Variants in TAB2 observed in about 807,000 individuals in gnomAD.
The protein encoded by TAB2 is TGF-beta activated kinase 1 (MAP3K7) binding protein 2.
In TAB2, 3 loss-of-function variants were observed where a neutral mutation model predicts 65.0. That is an observed-to-expected ratio of 0.05 (90% CI 0.02 to 0.12). The LOEUF (loss-of-function observed/expected upper bound fraction) is 0.12. Among genes scored for constraint, TAB2 ranks in the 10% least tolerant of loss-of-function variants. The pLI is 1.00. For missense variants in TAB2, 623 were observed against 840.3 expected, an observed-to-expected ratio of 0.74 and a Z score of 3.20; for synonymous variants, 298 against 285.1, an observed-to-expected ratio of 1.05 and a Z score of -0.46.
rs150550359 is a variant in TAB2 at position 149,242,471 on chromosome 6, T to A, written c.-121+23695T>A. Among the ~76,000 whole-genome samples the A allele has an allele frequency of 1.3e-3, 193 of 152,278 alleles. 1 individual carries two copies. Among genetic ancestry groups the A allele is most frequent in the African/African-American group, 4.3e-3 (180 of 41,548 alleles). On this transcript the variant is annotated intron_variant, in intron 1 of 1. Transcript: ENST00000606202. ...AGGTGTTATTATAGAGTTCCTAAAG[T>A]TGCCTGTGAGTAGAACAGGAAATAA... is the stretch of plus-strand genomic sequence containing the variant.
chr6:149,254,702 C>T (rs55637841), intron 1 of TAB2, among the ~76,000 whole-genome samples: 8 of 152,068 alleles, frequency 5.3e-5, no homozygotes, highest in East Asian at 1.9e-4. Context: ...TTAAACTGGA[C>T]GAGAAAGAGA....
At chr6:149,345,453 A>G (rs1780263089) in intron 1 of TAB2, among the ~76,000 whole-genome samples, 1 of 152,154 alleles carries the variant, frequency 6.6e-6, no homozygotes, top group Admixed American at 6.5e-5. Flanking sequence ...AGGTACCTTC[A>G]AATAACTCAT....
chr6:149,233,256 A>C (rs1039705733), intron 1 of TAB2, among the ~76,000 whole-genome samples: 5 of 152,154 alleles, frequency 3.3e-5, no homozygotes, highest in African/African-American at 1.2e-4. Context: ...AGTGACCAAG[A>C]ATCTGTCATC....
At chr6:149,232,259 G>A (rs1249736708) in intron 1 of TAB2, among the ~76,000 whole-genome samples, 2 of 151,810 alleles carry the variant, frequency 1.3e-5, no homozygotes, top group South Asian at 2.1e-4. Flanking sequence ...ACGGACTCTC[G>A]CTCTGTCGCC....
chr6:149,279,011 T>A (rs1226779984), intron 1 of TAB2, among the ~76,000 whole-genome samples: 3 of 152,214 alleles, frequency 2.0e-5, no homozygotes, highest in African/African-American at 4.8e-5. Flanking sequence ...GTGAACCTCA[T>A]TCATTCCATT....
Position 149,233,204 on chromosome 6 carries a change from C to G in TAB2, c.-121+14428C>G, listed in dbSNP as rs180891439. On this transcript the variant is annotated intron_variant, in intron 1 of 1. Coordinates refer to the TAB2 transcript ENST00000606202. ...TAACTACCTGGCGGGGGGTGAGAAA[C>G]AAGGGCTTTCCAGCACAAGTCACAA... is the stretch of plus-strand genomic sequence containing the variant. Among the ~76,000 whole-genome samples, 5 of 152,220 alleles carry G rather than the reference C, an allele frequency of 3.3e-5. No individual in the cohort carries two copies. The East Asian group carries it at 9.6e-4, about 29-fold the overall frequency.
At chr6:149,235,243 C>G (rs1040000820) in intron 1 of TAB2, among the ~76,000 whole-genome samples, 2 of 152,170 alleles carry the variant, frequency 1.3e-5, no homozygotes, top group Non-Finnish European at 2.9e-5. Flanking sequence ...GTTTCAATCC[C>G]GGATGACACA....
At chr6:149,305,517 G>A (rs541191348) in intron 1 of TAB2, among the ~76,000 whole-genome samples, 10 of 151,962 alleles carry the variant, frequency 6.6e-5, no homozygotes, top group African/African-American at 2.2e-4. Flanking sequence ...CAAATGTCCT[G>A]CCTGTTCTTT....
At chr6:149,322,446 A>G (rs1237615832) in intron 1 of TAB2, among the ~76,000 whole-genome samples, 2 of 152,132 alleles carry the variant, frequency 1.3e-5, no homozygotes, top group Non-Finnish European at 2.9e-5. Flanking sequence ...TTATACTTCA[A>G]AGTTACAGAG....
intron 1 of TAB2, among the ~76,000 whole-genome samples, chr6:149,269,455 G>A (rs974359968): frequency 1.3e-5 from 2 of 152,016 alleles, no homozygotes; most frequent in African/African-American, 4.8e-5. Flanking sequence ...GAAGATTAAA[G>A]TAGATTTTTA....
rs1779303442 is a variant in TAB2 at position 149,317,893 on chromosome 6, A to G, written c.-212A>G. ...TGTCCCCCCTGCCGGGTGGAACCGG[A>G]GGCGGCGGCGGCGCTGGCGGCGGCC... On this transcript the variant is annotated 5_prime_UTR_variant, in exon 1 of 7. Coordinates refer to ENST00000637181, the MANE Select transcript of TAB2 (RefSeq NM_001292034.3). The surrounding 1 kb of genome is among the most constrained non-coding windows in gnomAD (Gnocchi z 4.7). The G allele has an allele frequency of 6.0e-6, 1 of 166,054 alleles. No individual in the cohort carries two copies. Among genetic ancestry groups the G allele is most frequent in the Non-Finnish European group, 1.3e-5 (1 of 79,666 alleles). 10.3% of individuals were successfully genotyped at this position (166,054 alleles called of 1,614,324 possible).
At chr6:149,319,110 A>G (rs919518776) in intron 1 of TAB2, among the ~76,000 whole-genome samples, 1 of 152,160 alleles carries the variant, frequency 6.6e-6, no homozygotes, top group Non-Finnish European at 1.5e-5. Flanking sequence ...TAAAGTGTCT[A>G]ATTTTGGGGT....
In TAB2 at chr6:149,378,848, A is replaced by G; in HGVS notation, c.933A>G (p.Gln311=). The change falls in exon 3 of 7, where the codon CAA becomes CAG. Residue 311 remains glutamine, a synonymous_variant. Transcript: ENST00000637181. ...GCTCACAGTCTTCTGCCCATAGCCAATATAACATTCAGAATATTTCAACAG... is the reference window on the plus strand; with the variant it reads ...GCTCACAGTCTTCTGCCCATAGCCAGTATAACATTCAGAATATTTCAACAG... ...SGSSQSSAHS[Q]YNIQNISTGP... is the part of the protein sequence containing the mutation. 1 of 1,614,166 alleles carries G rather than the reference A, an allele frequency of 6.2e-7. No individual in the cohort carries two copies. Among genetic ancestry groups the G allele is most frequent in the South Asian group, 1.1e-5 (1 of 91,082 alleles).
At chr6:149,221,314 C>G (rs1777144262) in intron 1 of TAB2, 1 of 152,204 alleles carries the variant, frequency 6.6e-6, no homozygotes, top group Non-Finnish European at 1.5e-5. Flanking sequence ...TTAAGTGACA[C>G]TAGCATATTT....
At chr6:149,365,382 T>G (rs13219868) in intron 1 of TAB2, among the ~76,000 whole-genome samples, 64,930 of 152,022 alleles carry the variant, frequency 0.43, 14,664 homozygotes, top group Middle Eastern at 0.59. Flanking sequence ...GCTTTCACTC[T>G]TAAAGTTTAC....
intron 1 of TAB2, among the ~76,000 whole-genome samples, chr6:149,275,889 G>A (rs1250677470): frequency 6.6e-6 from 1 of 152,160 alleles, no homozygotes; most frequent in Non-Finnish European, 1.5e-5. Context: ...AAACTGTCAA[G>A]GTTATCTGAG....
chr6:149,354,874 GTTGT>G (rs1350856391), intron 1 of TAB2, among the ~76,000 whole-genome samples: 1 of 152,104 alleles, frequency 6.6e-6, no homozygotes, highest in African/African-American at 2.4e-5. Flanking sequence ...GTAGTTTTTG[GTTGT>G]TTATCATTAG....
At chr6:149,332,966 A>G (rs560613243) in intron 1 of TAB2, among the ~76,000 whole-genome samples, 7 of 152,172 alleles carry the variant, frequency 4.6e-5, no homozygotes, top group Non-Finnish European at 8.8e-5. Context: ...TTGATAATTT[A>G]TATCTTTCTA....
chr6:149,237,026 T>C (rs1777507744), intron 1 of TAB2, among the ~76,000 whole-genome samples: 1 of 152,322 alleles, frequency 6.6e-6, no homozygotes, highest in East Asian at 1.9e-4. Flanking sequence ...CTAAGTAAAA[T>C]TGTTTAATTT....
Sources: allele counts gnomAD v4.1 joint callset (sites outside exome capture counted in the v4.1 genomes callset), GRCh38; gene constraint gnomAD v4.1.1; non-coding constraint Gnocchi (gnomAD v3.1); transcripts MANE v1.5; gene names NCBI Gene and HGNC (gene_info 2026-07-23, HGNC 2026-07-21).